NKD1: variants seen among roughly 807,000 people sequenced by gnomAD.
NKD1 encodes the protein protein naked cuticle homolog 1.
A neutral mutation model predicts 56.0 loss-of-function variants in NKD1; 21 were observed. The observed-to-expected ratio is 0.38, with a 90% CI of 0.27 to 0.54. The LOEUF (loss-of-function observed/expected upper bound fraction) is 0.54. Among genes scored for constraint, NKD1 ranks in the 20% least tolerant of loss-of-function variants. NKD1 has a pLI of 0.82. For missense variants in NKD1, 578 were observed against 642.7 expected, an observed-to-expected ratio of 0.90 and a Z score of 1.09; for synonymous variants, 263 against 265.7, an observed-to-expected ratio of 0.99 and a Z score of 0.10.
In NKD1 at chr16:50,634,363, T is replaced by A. The variant is rs1409272556; in HGVS notation, c.*582T>A. The A allele has an allele frequency of 6.5e-6, 1 of 152,730 alleles. No homozygotes were observed. Among genetic ancestry groups the A allele is most frequent in the Non-Finnish European group, 1.5e-5 (1 of 68,056 alleles). 9.5% of individuals were successfully genotyped at this position (152,730 alleles called of 1,614,324 possible). ...CTGTCTTTTCTGGAGTTGTCTTTCA[T>A]GCTTTTCCAGTGGGATCAAGCCCTT... On this transcript the variant is annotated 3_prime_UTR_variant, in exon 10 of 10. Transcript: ENST00000268459.
chr16:50,648,811 G>C lies in NKD1; in HGVS notation c.*15030G>C, dbSNP rs1436077850. ...CCTATTGTCATCTCTGTTCTTCTGT[G>C]CCCCTTCTTCCATTTTGCTGCCTGG... On this transcript the variant is annotated 3_prime_UTR_variant, in exon 10 of 10. Transcript: ENST00000268459. 1 of 152,152 alleles carries C rather than the reference G, an allele frequency of 6.6e-6. No homozygotes were observed. The highest frequency in any genetic ancestry group is 1.9e-4 in the East Asian group (1 of 5,196). 9.4% of individuals were successfully genotyped at this position (152,152 alleles called of 1,614,324 possible).
In NKD1 at chr16:50,605,459, T is replaced by G. The variant is rs558692769; in HGVS notation, c.193-2835T>G. Among the ~76,000 whole-genome samples the G allele has an allele frequency of 2.0e-5, 3 of 152,354 alleles. 1 individual carries two copies. Among genetic ancestry groups the G allele is most frequent in the African/African-American group, 7.2e-5 (3 of 41,592 alleles). On this transcript the variant is annotated intron_variant, in intron 3 of 9. Coordinates refer to ENST00000268459, the MANE Select transcript of NKD1 (RefSeq NM_033119.5). ...ATTCAGGGGGCTAATAAATACACGCTTACACAGTTGGCCCTCCTTATCCAT... is the reference window on the plus strand; with the variant it reads ...ATTCAGGGGGCTAATAAATACACGCGTACACAGTTGGCCCTCCTTATCCAT...
At chr16:50,621,000 G>A (rs1472117220) in intron 4 of NKD1, among the ~76,000 whole-genome samples, 1 of 152,180 alleles carries the variant, frequency 6.6e-6, no homozygotes, top group East Asian at 1.9e-4. Context: ...GTGCAAGCAG[G>A]TGTGATGCAT....
At chr16:50,566,525 T>C (rs1596709603) in intron 3 of NKD1, among the ~76,000 whole-genome samples, 3 of 152,212 alleles carry the variant, frequency 2.0e-5, no homozygotes, top group South Asian at 2.1e-4. Context: ...GAGTGGAGGC[T>C]GGGATCACCC....
rs574387566 is a variant in NKD1, at chr16:50,625,420, C to T, written c.367-65C>T. The T allele has an allele frequency of 7.1e-5, 83 of 1,163,858 alleles. No individual in the cohort carries two copies. In the African/African-American group the frequency reaches 1.2e-3, roughly 16 times the overall value. The allele number at this position is 1,163,858 out of a possible 1,614,324, so 72.1% of individuals were successfully genotyped here. ...CCTTGGCCTGGCCTCTAGGCCCAGGCTTCCACTACCCAGTCAGTGTTGCCA... is the reference window on the plus strand; with the variant it reads ...CCTTGGCCTGGCCTCTAGGCCCAGGTTTCCACTACCCAGTCAGTGTTGCCA... On this transcript the variant is annotated intron_variant, in intron 5 of 9. Coordinates refer to ENST00000268459, the MANE Select transcript of NKD1 (RefSeq NM_033119.5).
intron 5 of NKD1, among the ~76,000 whole-genome samples, chr16:50,622,120 G>T (rs1460634527): frequency 6.6e-6 from 1 of 152,208 alleles, no homozygotes; most frequent in East Asian, 1.9e-4. Context: ...TGAACAGGAG[G>T]TACGGGCAGG....
At chr16:50,586,068 C>T (rs1300801416) in intron 3 of NKD1, among the ~76,000 whole-genome samples, 1 of 152,042 alleles carries the variant, frequency 6.6e-6, no homozygotes, top group African/African-American at 2.4e-5. Flanking sequence ...TTAGATTCAC[C>T]CTCCACCCAG....
rs1349357720 is a variant in NKD1 at position 50,647,844 on chromosome 16, T to A, written c.*14063T>A. 2 of 152,308 alleles carry A rather than the reference T, an allele frequency of 1.3e-5. No homozygotes were observed. Among genetic ancestry groups the A allele is most frequent in the East Asian group, 1.9e-4 (1 of 5,180 alleles). 9.4% of individuals were successfully genotyped at this position (152,308 alleles called of 1,614,324 possible). A position where few individuals can be genotyped will look rare whatever the true frequency, so the allele number is the denominator to read the frequency against. On this transcript the variant is annotated 3_prime_UTR_variant, in exon 10 of 10. Coordinates refer to ENST00000268459, the MANE Select transcript of NKD1 (RefSeq NM_033119.5). ...AAGCATCATAACCCATCCCAGGTGATCATAGAAGGACCTCAAAGGAAAAGG... is the reference window on the plus strand; with the variant it reads ...AAGCATCATAACCCATCCCAGGTGAACATAGAAGGACCTCAAAGGAAAAGG...
In NKD1 at chr16:50,642,614, A is replaced by G. The variant is rs1243854548; in HGVS notation, c.*8833A>G. Reference sequence around the variant, plus strand: ...TACCTTACTGAGCTGTTATGAGTAAATGATCCAGTGGGCGTGAAGCGTTCA... The same window carrying G: ...TACCTTACTGAGCTGTTATGAGTAAGTGATCCAGTGGGCGTGAAGCGTTCA... On this transcript the variant is annotated 3_prime_UTR_variant, in exon 10 of 10. Transcript: ENST00000268459. 1.3e-5 allele frequency: 2 copies of G among 152,246 alleles called. No homozygotes were observed. Among genetic ancestry groups the G allele is most frequent in the Admixed American group, 1.3e-4 (2 of 15,282 alleles). 9.4% of individuals were successfully genotyped at this position (152,246 alleles called of 1,614,324 possible).
Position 50,608,321 on chromosome 16 carries a change from A to G in NKD1, c.220A>G (p.Thr74Ala), listed in dbSNP as rs750736434. Residue 74 changes from threonine (T) to alanine (A), a missense_variant, in exon 4 of 10, where the codon ACG becomes GCG. Thr to Ala is a moderately conservative substitution (Grantham distance 58, BLOSUM62 0). Coordinates refer to ENST00000268459, the MANE Select transcript of NKD1 (RefSeq NM_033119.5). ...GCTCGTGGGCGACGTGTTGAGAGAC[A>G]CGCTCAGCGAGGAAGAGGAGGACGA... ...RELVGDVLRD[T>A]LSEEEEDDFR... The G allele has an allele frequency of 1.5e-5, 24 of 1,613,410 alleles. No homozygotes were observed. Among genetic ancestry groups the G allele is most frequent in the Admixed American group, 1.2e-4 (7 of 60,004 alleles).
Position 50,575,421 on chromosome 16 carries a change from G to T in NKD1, c.192+25866G>T, listed in dbSNP as rs185489587. The T allele has an allele frequency of 8.6e-4, 727 of 846,138 alleles. 3 individuals are homozygous for T. In the African/African-American group the frequency reaches 0.013, roughly 15 times the overall value. The allele number at this position is 846,138 out of a possible 1,614,324, so 52.4% of individuals were successfully genotyped here. A position where few individuals can be genotyped will look rare whatever the true frequency, so the allele number is the denominator to read the frequency against. On this transcript the variant is annotated intron_variant, in intron 3 of 9. Coordinates refer to ENST00000268459, the MANE Select transcript of NKD1 (RefSeq NM_033119.5). ...TTTTCGGGGAGAAAGAACAAATGGG[G>T]TTGTCTGTGTTCCTGGGAGAAGGGA... is the stretch of plus-strand genomic sequence containing the variant.
At chr16:50,559,274 A>G (rs527238859) in intron 3 of NKD1, among the ~76,000 whole-genome samples, 2 of 152,198 alleles carry the variant, frequency 1.3e-5, no homozygotes, top group Non-Finnish European at 2.9e-5. Context: ...ATGTGTGCTC[A>G]GTGTGGTACC....
intron 3 of NKD1, among the ~76,000 whole-genome samples, chr16:50,553,123 CAGTT>C (rs749748616): frequency 3.3e-5 from 5 of 152,124 alleles, no homozygotes; most frequent in Non-Finnish European, 5.9e-5. Context: ...CAGCAACAGG[CAGTT>C]AGAGAAGAAA....
intron 3 of NKD1, among the ~76,000 whole-genome samples, chr16:50,586,530 C>T (rs115553212): frequency 0.012 from 1,774 of 152,034 alleles, 40 homozygotes; most frequent in African/African-American, 0.041. Context: ...ATAATAGGCC[C>T]CATCTTCTGT....
Position 50,633,662 on chromosome 16 carries a change from C to G in NKD1, c.1294C>G (p.Leu432Val), listed in dbSNP as rs761836419. 6.2e-7 allele frequency: 1 copy of G among 1,603,576 alleles called. No homozygotes were observed. The highest frequency in any genetic ancestry group is 1.7e-5 in the Admixed American group (1 of 58,812). The change falls in exon 10 of 10, where the codon CTG (leucine) becomes GTG (valine). Residue 432 changes from leucine (L) to valine (V), a missense_variant. Transcript: ENST00000268459. The surrounding 1 kb of genome is among the most constrained non-coding windows in gnomAD (Gnocchi z 4.9). Reference protein sequence around the residue: ...SGGPVLGREHLRELPALVVYE... With the variant: ...SGGPVLGREHVRELPALVVYE... ...TGGCCCTGTCCTGGGGCGGGAGCAC[C>G]TGCGGGAGCTGCCCGCCTTGGTGGT... is the stretch of plus-strand genomic sequence containing the variant.
intron 3 of NKD1, chr16:50,558,781 C>T (rs1960559489): frequency 6.6e-6 from 1 of 150,554 alleles, no homozygotes; most frequent in Non-Finnish European, 1.5e-5. Context: ...TGGTGGCAGG[C>T]ACCTGTAATC....
In NKD1 at chr16:50,633,223, G is replaced by GC. The variant is rs772439983; in HGVS notation, c.862dup (p.Arg288ProfsTer12). On this transcript the variant is annotated frameshift_variant, in exon 10 of 10. Coordinates refer to ENST00000268459, the MANE Select transcript of NKD1 (RefSeq NM_033119.5). LOFTEE classifies it high-confidence loss of function. This position sits in a 1 kb window ranked among gnomAD's most constrained non-coding sequence, Gnocchi z 4.9. Reference sequence around the variant, plus strand: ...CTTCCGTGGCCCAGAAGTCAGAACTGCCCCCCCGCACCTCCAATCCCACTC... The same window carrying GC: ...CTTCCGTGGCCCAGAAGTCAGAACTGCCCCCCCCGCACCTCCAATCCCACTC... 22 of 1,610,150 alleles carry GC rather than the reference G, an allele frequency of 1.4e-5. No homozygotes were observed. Among genetic ancestry groups the GC allele is most frequent in the Non-Finnish European group, 1.4e-5 (16 of 1,177,820 alleles).
At chr16:50,571,622 T>C in intron 3 of NKD1, 1 of 686,670 alleles carries the variant, frequency 1.5e-6, no homozygotes, top group Non-Finnish European at 1.8e-6. Flanking sequence ...CTCCCCTTCC[T>C]TCCCTGCAGA....
chr16:50,646,955 C>A lies in NKD1; in HGVS notation c.*13174C>A, dbSNP rs1246945154. 1 of 152,246 alleles carries A rather than the reference C, an allele frequency of 6.6e-6. No individual in the cohort carries two copies. Among genetic ancestry groups the A allele is most frequent in the African/African-American group, 2.4e-5 (1 of 41,438 alleles). 9.4% of individuals were successfully genotyped at this position (152,246 alleles called of 1,614,324 possible). A position where few individuals can be genotyped will look rare whatever the true frequency, so the allele number is the denominator to read the frequency against. ...CTGTGCTTTTCTTGTCTCCCACATC[C>A]CCAGCCCCAGTAACTAGCAGGGACA... is the stretch of plus-strand genomic sequence containing the variant. On this transcript the variant is annotated 3_prime_UTR_variant, in exon 10 of 10. Coordinates refer to ENST00000268459, the MANE Select transcript of NKD1 (RefSeq NM_033119.5).
Sources: gnomAD v4.1 joint callset for allele counts (sites outside exome capture counted in the v4.1 genomes callset) on GRCh38, gnomAD v4.1.1 for gene constraint, Gnocchi (gnomAD v3.1) non-coding constraint, MANE v1.5 for transcripts, NCBI Gene and HGNC (gene_info 2026-07-23, HGNC 2026-07-21) for gene names.